Variants in AKAP13 observed in about 807,000 individuals in gnomAD.
AKAP13 encodes A-kinase anchor protein 13.
A neutral mutation model predicts 264.5 loss-of-function variants in AKAP13; 80 were observed. The observed-to-expected ratio is 0.30, with a 90% confidence interval of 0.25 to 0.36. The LOEUF (loss-of-function observed/expected upper bound fraction) is 0.36, where lower values mean the gene tolerates loss of function less well. Among genes scored for constraint, AKAP13 ranks in the 10% least tolerant of loss-of-function variants. The pLI is 1.00. For missense variants in AKAP13, 3,712 were observed against 3,435.2 expected (o/e 1.08, Z -2.01); for synonymous variants, 1,380 against 1,250.2 (o/e 1.10, Z -2.19).
Position 85,655,866 on chromosome 15 carries a change from A to G in AKAP13, c.4745+79A>G, listed in dbSNP as rs375599622. ...GCTTCTGATTTGTATTATTGTTGGT[A>G]AAAGAATTTAGGAGACCCCATAGTA... On this transcript the variant is annotated intron_variant, in intron 11 of 36. Coordinates refer to ENST00000394518, the MANE Select transcript of AKAP13 (RefSeq NM_007200.5). 4 of 1,505,004 alleles carry G rather than the reference A, an allele frequency of 2.7e-6. No individual in the cohort carries two copies. In the African/African-American group the frequency reaches 4.2e-5, roughly 16 times the overall value. 93.2% of individuals were successfully genotyped at this position (1,505,004 alleles called of 1,614,324 possible).
chr15:85,590,419 T>C (rs2079537544), intron 8 of AKAP13, among the ~76,000 whole-genome samples: 1 of 152,256 alleles, frequency 6.6e-6, no homozygotes, highest in Non-Finnish European at 1.5e-5. Flanking sequence ...GTCTGCTATC[T>C]GTCATACAAA....
chr15:85,634,781 T>C (rs2082003469), intron 8 of AKAP13, among the ~76,000 whole-genome samples: 2 of 152,112 alleles, frequency 1.3e-5, no homozygotes, highest in South Asian at 4.1e-4. Context: ...TACTGTAGGC[T>C]TGCCTTTTCT....
rs1183180701 is a variant in AKAP13, at chr15:85,723,846, A to AT, written c.6745+527dup. 2.0e-5 allele frequency among the ~76,000 whole-genome samples: 3 copies of AT among 152,242 alleles called. 1 individual carries two copies. The highest frequency in any genetic ancestry group is 7.2e-5 in the African/African-American group (3 of 41,454). On this transcript the variant is annotated intron_variant, in intron 26 of 36. Coordinates refer to ENST00000394518, the MANE Select transcript of AKAP13 (RefSeq NM_007200.5). ...GATTTTTTTATTGTTATAATTTATGATATTCGTATATCTTTAAAGCAAAAT... is the reference window on the plus strand; with the variant it reads ...GATTTTTTTATTGTTATAATTTATGATTATTCGTATATCTTTAAAGCAAAAT...
chr15:85,612,078 C>G (rs1356082903), intron 8 of AKAP13, among the ~76,000 whole-genome samples: 1 of 152,140 alleles, frequency 6.6e-6, no homozygotes, highest in Non-Finnish European at 1.5e-5. Context: ...TACTGAAAAG[C>G]TTATTGAAGA....
intron 18 of AKAP13, among the ~76,000 whole-genome samples, chr15:85,709,018 C>A (rs539777105): frequency 6.6e-6 from 1 of 152,232 alleles, no homozygotes; most frequent in Admixed American, 6.5e-5. Flanking sequence ...AAACTAGTGT[C>A]AAAATGGCAA....
chr15:85,443,647 C>T (rs2073791641), intron 1 of AKAP13, among the ~76,000 whole-genome samples: 1 of 151,948 alleles, frequency 6.6e-6, no homozygotes, highest in Non-Finnish European at 1.5e-5. Flanking sequence ...GCATTATAAT[C>T]TTATGTGACC....
At chr15:85,582,241 A>G (rs2079156240) in intron 7 of AKAP13, 134 bp downstream of exon 7, 1 of 991,294 alleles carries the variant, frequency 1.0e-6, no homozygotes, top group Non-Finnish European at 1.4e-6. Flanking sequence ...AGCCAAGTTA[A>G]TAGTCACCAC....
At chr15:85,671,412 T>TA (rs1294806153) in intron 14 of AKAP13, among the ~76,000 whole-genome samples, 1 of 117,124 alleles carries the variant, frequency 8.5e-6, no homozygotes, top group Non-Finnish European at 1.6e-5. Context: ...CCAGCCTGGG[T>TA]GATAGAGTGA....
In AKAP13 at chr15:85,747,823, C is replaced by A. The variant is rs1211053656; in HGVS notation, c.*3146C>A. 1 of 153,038 alleles carries A rather than the reference C, an allele frequency of 6.5e-6. No homozygotes were observed. Among genetic ancestry groups the A allele is most frequent in the East Asian group, 1.9e-4 (1 of 5,190 alleles). The allele number at this position is 153,038 out of a possible 1,614,324, so 9.5% of individuals were successfully genotyped here. A position where few individuals can be genotyped will look rare whatever the true frequency, so the allele number is the denominator to read the frequency against. On this transcript the variant is annotated 3_prime_UTR_variant, in exon 37 of 37. Transcript: ENST00000394518. ...TTTTTTGGAAAGGTACGAATCTTAA[C>A]TTTTTTCCCCTTCTGTGTCTCAGGG...
chr15:85,548,160 A>G (rs1004431763), intron 5 of AKAP13, among the ~76,000 whole-genome samples: 3 of 152,210 alleles, frequency 2.0e-5, no homozygotes, highest in African/African-American at 7.2e-5. Flanking sequence ...GCTTGAGAGT[A>G]AGAGGAGGCT....
At position 85,718,999 on chromosome 15, in the gene AKAP13, G is replaced by A. The variant is rs2087125221; in HGVS notation, c.6002-77G>A. On this transcript the variant is annotated intron_variant, in intron 22 of 36. Transcript: ENST00000394518. This position sits in a 1 kb window ranked among gnomAD's most constrained non-coding sequence, Gnocchi z 4.9. ...AAATTGGGCTCTAAACTAGCTTTGG[G>A]ACTGCAGCAGATGATCTTTGAGGGC... 4 of 1,572,570 alleles carry A rather than the reference G, an allele frequency of 2.5e-6. No individual in the cohort carries two copies. Among genetic ancestry groups the A allele is most frequent in the Non-Finnish European group, 3.5e-6 (4 of 1,159,260 alleles).
intron 5 of AKAP13, among the ~76,000 whole-genome samples, chr15:85,553,084 C>CTTTTTTTTT (rs10693195): frequency 1.7e-5 from 2 of 120,398 alleles, no homozygotes. Flanking sequence ...ATCTGTAATT[C>CTTTTTTTTT]TTTTTTTTTT....
chr15:85,570,826 A>G (rs1596562927), intron 5 of AKAP13, among the ~76,000 whole-genome samples: 1 of 152,302 alleles, frequency 6.6e-6, no homozygotes, highest in East Asian at 1.9e-4. Context: ...AAGTGGGTGG[A>G]AAACCACAGG....
chr15:85,558,540 G>C (rs1160051347), intron 5 of AKAP13, among the ~76,000 whole-genome samples: 1 of 151,998 alleles, frequency 6.6e-6, no homozygotes, highest in African/African-American at 2.4e-5. Flanking sequence ...AGACAAATGA[G>C]CAAAAATGTG....
In AKAP13 at chr15:85,727,568, GC is replaced by G. The variant is rs976937176; in HGVS notation, c.7087+109del. On this transcript the variant is annotated intron_variant, in intron 29 of 36. Coordinates refer to ENST00000394518, the MANE Select transcript of AKAP13 (RefSeq NM_007200.5). This position sits in a 1 kb window ranked among gnomAD's most constrained non-coding sequence, Gnocchi z 5.3. ...CGGGTTTGCCCTCAGTTCTAAAGCTGCCCCAGCAGGCACTTGAAAGCAGCAA... is the reference window on the plus strand; with the variant it reads ...CGGGTTTGCCCTCAGTTCTAAAGCTGCCCAGCAGGCACTTGAAAGCAGCAA... 1.8e-5 allele frequency: 22 copies of G among 1,235,444 alleles called. No homozygotes were observed. The highest frequency in any genetic ancestry group is 2.2e-5 in the Non-Finnish European group (19 of 870,298). The allele number at this position is 1,235,444 out of a possible 1,614,324, so 76.5% of individuals were successfully genotyped here.
chr15:85,704,763 G>T (rs943353735), intron 17 of AKAP13, among the ~76,000 whole-genome samples: 1 of 152,242 alleles, frequency 6.6e-6, no homozygotes, highest in African/African-American at 2.4e-5. Flanking sequence ...TATGGTTTGT[G>T]GCAGAGAGCT....
At chr15:85,597,621 T>G (rs1049655691) in intron 8 of AKAP13, among the ~76,000 whole-genome samples, 1 of 152,268 alleles carries the variant, frequency 6.6e-6, no homozygotes, top group East Asian at 1.9e-4. Context: ...GACTCTGCAG[T>G]ACTTCCTTTT....
At chr15:85,527,999 T>G (rs1444985472) in intron 3 of AKAP13, among the ~76,000 whole-genome samples, 1 of 152,228 alleles carries the variant, frequency 6.6e-6, no homozygotes, top group African/African-American at 2.4e-5. Context: ...TCTTTTTGGA[T>G]AGCTGATGAA....
intron 5 of AKAP13, among the ~76,000 whole-genome samples, chr15:85,551,645 T>C (rs2077966211): frequency 6.6e-6 from 1 of 152,246 alleles, no homozygotes; most frequent in Non-Finnish European, 1.5e-5. Flanking sequence ...GGTATGTGTT[T>C]GTTCTTGGTT....
Sources: allele counts gnomAD v4.1 joint callset (sites outside exome capture counted in the v4.1 genomes callset), GRCh38; gene constraint gnomAD v4.1.1; non-coding constraint Gnocchi (gnomAD v3.1); transcripts MANE v1.5; gene names NCBI Gene and HGNC (gene_info 2026-07-23, HGNC 2026-07-21).